The following TRPC6 variants were observed in gnomAD, a reference collection of about 807,000 sequenced individuals.
TRPC6 encodes the protein transient receptor potential cation channel subfamily C member 6, also known as short transient receptor potential channel 6.
In TRPC6, 55 loss-of-function variants were observed where a neutral mutation model predicts 90.7. That is an observed-to-expected ratio of 0.61 (90% confidence interval 0.49 to 0.76). The LOEUF (loss-of-function observed/expected upper bound fraction) is 0.76. Ranked by LOEUF, TRPC6 falls within the 30% of genes least tolerant of loss-of-function variation. TRPC6 has a pLI of 0.00. For synonymous variants in TRPC6, 393 were observed against 393.0 expected, an observed-to-expected ratio of 1.00 and a Z score of 0.00; for missense variants, 989 against 1,122.7, an observed-to-expected ratio of 0.88 and a Z score of 1.70.
intron 2 of TRPC6, among the ~76,000 whole-genome samples, chr11:101,499,606 G>GGT (rs1459175803): frequency 6.9e-5 from 4 of 57,676 alleles, no homozygotes; most frequent in Non-Finnish European, 3.5e-5. Flanking sequence ...ACGTATATAT[G>GGT]GTATATATAT....
intron 1 of TRPC6, among the ~76,000 whole-genome samples, chr11:101,513,115 A>G (rs1214894525): frequency 1.3e-5 from 2 of 152,242 alleles, no homozygotes; most frequent in African/African-American, 2.4e-5. Flanking sequence ...GACACCTGAC[A>G]GTGGCCCTGA....
At chr11:101,494,469 C>G (rs988264039) in intron 2 of TRPC6, among the ~76,000 whole-genome samples, 1 of 152,062 alleles carries the variant, frequency 6.6e-6, no homozygotes, top group East Asian at 1.9e-4. Flanking sequence ...AAGAGAAGAT[C>G]TGGAAACAGG....
intron 1 of TRPC6, among the ~76,000 whole-genome samples, chr11:101,555,934 A>G (rs1861551759): frequency 6.6e-6 from 1 of 152,180 alleles, no homozygotes. Flanking sequence ...AAAATTTGCC[A>G]ATACACGGAT....
At chr11:101,565,136 A>G (rs1861801302) in intron 1 of TRPC6, among the ~76,000 whole-genome samples, 1 of 152,128 alleles carries the variant, frequency 6.6e-6, no homozygotes, top group African/African-American at 2.4e-5. Context: ...GCTCCTTGAC[A>G]TTTGTCTTGA....
intron 5 of TRPC6, among the ~76,000 whole-genome samples, chr11:101,480,691 A>C (rs902762319): frequency 6.6e-6 from 1 of 152,148 alleles, no homozygotes; most frequent in Non-Finnish European, 1.5e-5. Context: ...CTCAGTGAAA[A>C]GTTGAATAAT....
chr11:101,459,793 C>CCTAT (rs1858963578), intron 10 of TRPC6, among the ~76,000 whole-genome samples: 1 of 152,104 alleles, frequency 6.6e-6, no homozygotes, highest in Admixed American at 6.5e-5. Context: ...ATTACACTGA[C>CCTAT]CTATCTTTGC....
chr11:101,511,818 C>T (rs1860400374), intron 1 of TRPC6, among the ~76,000 whole-genome samples: 1 of 151,932 alleles, frequency 6.6e-6, no homozygotes, highest in Admixed American at 6.6e-5. Context: ...ATGGTGAAAC[C>T]CTGTCTCTAC....
chr11:101,480,734 C>A, intron 5 of TRPC6, among the ~76,000 whole-genome samples: 1 of 151,998 alleles, frequency 6.6e-6, no homozygotes, highest in Non-Finnish European at 1.5e-5. Flanking sequence ...TTGAACATGT[C>A]CGTTGTGCCA....
chr11:101,501,293 G>A (rs1442234486), intron 2 of TRPC6, among the ~76,000 whole-genome samples: 1 of 151,996 alleles, frequency 6.6e-6, no homozygotes, highest in Non-Finnish European at 1.5e-5. Flanking sequence ...AAGGATATGT[G>A]CTAGCATGTT....
intron 4 of TRPC6, 61 bp from the exon 5 acceptor site, chr11:101,483,226 C>A: frequency 6.6e-7 from 1 of 1,512,848 alleles, no homozygotes; most frequent in Non-Finnish European, 9.2e-7. Context: ...GCAAAACACA[C>A]ATACATACAT....
chr11:101,468,281 C>G (rs188110758), intron 10 of TRPC6, among the ~76,000 whole-genome samples: 222 of 152,304 alleles, frequency 1.5e-3, no homozygotes, highest in Middle Eastern at 3.4e-3. Flanking sequence ...GCTTAGGGTT[C>G]CCCTTACCTA....
chr11:101,507,006 AACACAC>A (rs10590147), intron 1 of TRPC6, among the ~76,000 whole-genome samples: 4,761 of 131,036 alleles, frequency 0.036, 101 homozygotes, highest in Middle Eastern at 0.1. Flanking sequence ...CTCTCTCTCT[AACACAC>A]ACACACACAC....
In TRPC6 at chr11:101,476,536, T is replaced by C; in HGVS notation, c.1511-2A>G. 1 of 1,611,136 alleles carries C rather than the reference T, an allele frequency of 6.2e-7. No homozygotes were observed. The highest frequency in any genetic ancestry group is 8.5e-7 in the Non-Finnish European group (1 of 1,177,310). On this transcript the variant is annotated splice_acceptor_variant, in intron 5 of 12. Transcript: ENST00000344327. LOFTEE classifies it high-confidence loss of function. ...CTTTACATTCAGCCCATATCATGCC[T>C]GCATCAGAAAGGGGTTAAAATATCA...
chr11:101,500,231 C>T (rs1378257726), intron 2 of TRPC6, among the ~76,000 whole-genome samples: 21 of 118,438 alleles, frequency 1.8e-4, no homozygotes, highest in African/African-American at 5.6e-4. Context: ...TTTTTTGAGA[C>T]GGAGTCTTGT....
At chr11:101,456,087 T>C (rs1858877726) in intron 10 of TRPC6, among the ~76,000 whole-genome samples, 1 of 152,188 alleles carries the variant, frequency 6.6e-6, no homozygotes, top group African/African-American at 2.4e-5. Context: ...GTCCATATAA[T>C]TTTACTTATA....
intron 4 of TRPC6, among the ~76,000 whole-genome samples, chr11:101,485,397 TTTTAA>T (rs1859655212): frequency 6.6e-6 from 1 of 152,132 alleles, no homozygotes; most frequent in Non-Finnish European, 1.5e-5. Context: ...CTATTTTTCT[TTTTAA>T]ATATAAATAG....
chr11:101,489,023 T>G lies in TRPC6; in HGVS notation c.1207A>C (p.Met403Leu). Residue 403 changes from methionine (M) to leucine (L), a missense_variant, in exon 4 of 13, where the codon ATG becomes CTG. Transcript: ENST00000344327. ...ENLSGLRQQT[M>L]AVKFLVVLAV... is the part of the protein sequence containing the mutation. ...AGGACCACAAGGAACTTGACCGCCA[T>G]TGTCTGCTGTCGTAAACCAGAAAGA... 3.7e-6 allele frequency: 6 copies of G among 1,614,162 alleles called. No homozygotes were observed. The highest frequency in any genetic ancestry group is 5.1e-6 in the Non-Finnish European group (6 of 1,179,990).
intron 10 of TRPC6, among the ~76,000 whole-genome samples, chr11:101,464,366 ATCTG>A (rs1437650820): frequency 1.3e-5 from 2 of 152,040 alleles, no homozygotes; most frequent in African/African-American, 4.8e-5. Flanking sequence ...TGTCTTGTTG[ATCTG>A]TCTAATATTG....
intron 2 of TRPC6, 125 bp from the exon 3 acceptor site, chr11:101,491,863 C>T (rs1332209000): frequency 5.9e-5 from 40 of 678,612 alleles, no homozygotes; most frequent in African/African-American, 4.8e-4. Context: ...TTTTTTGAGA[C>T]GGAGCCTGGC....
Sources: gnomAD v4.1 joint callset for allele counts (sites outside exome capture counted in the v4.1 genomes callset) on GRCh38, gnomAD v4.1.1 for gene constraint, MANE v1.5 for transcripts, NCBI Gene and HGNC (gene_info 2026-07-23, HGNC 2026-07-21) for gene names.